OXSR1: variants seen among roughly 807,000 people sequenced by gnomAD.
OXSR1 encodes the protein oxidative stress responsive kinase 1.
Under a neutral mutation model 79.8 loss-of-function variants are expected in OXSR1, and 24 were observed. The observed-to-expected ratio is 0.30, with a 90% CI of 0.22 to 0.42. OXSR1 has a LOEUF of 0.42. OXSR1 is among the 10% of genes least tolerant of loss of function. OXSR1 has a pLI of 1.00. For synonymous variants in OXSR1, 226 were observed against 209.2 expected (o/e 1.08, Z -0.69); for missense variants, 430 against 618.4 (o/e 0.70, Z 3.23).
chr3:38,180,414 C>A (rs976647758), intron 1 of OXSR1, among the ~76,000 whole-genome samples: 1 of 151,680 alleles, frequency 6.6e-6, no homozygotes, highest in Admixed American at 6.6e-5. Flanking sequence ...TGGAATCATA[C>A]TATATACAGA....
rs570871896 is a variant in OXSR1 at position 38,206,934 on chromosome 3, G to A, written c.434+8071G>A. ...ATTTTCTCATGTATAACATAGGGATGAGATAGTATCTATCTCATAAAGTAG... is the reference window on the plus strand; with the variant it reads ...ATTTTCTCATGTATAACATAGGGATAAGATAGTATCTATCTCATAAAGTAG... On this transcript the variant is annotated intron_variant, in intron 4 of 17. Transcript: ENST00000311806. Among the ~76,000 whole-genome samples, 4 of 152,310 alleles carry A rather than the reference G, an allele frequency of 2.6e-5. 1 individual carries two copies. In the South Asian group the frequency reaches 6.2e-4, roughly 24 times the overall value.
Position 38,250,870 on chromosome 3 carries a change from A to G in OXSR1, c.1376-533A>G, listed in dbSNP as rs1221698084. Among the ~76,000 whole-genome samples the G allele has an allele frequency of 3.3e-5, 5 of 152,266 alleles. No homozygotes were observed. In the East Asian group the frequency reaches 9.6e-4, roughly 29 times the overall value. ...GCTCATTTTCAAGCCCTTGGCAACC[A>G]ATACCACTGAGTTGGTTGAAGATGA... On this transcript the variant is annotated intron_variant, in intron 15 of 17. Coordinates refer to ENST00000311806, the MANE Select transcript of OXSR1 (RefSeq NM_005109.3).
intron 12 of OXSR1, among the ~76,000 whole-genome samples, chr3:38,244,916 G>A (rs1300134610): frequency 6.6e-6 from 1 of 152,048 alleles, no homozygotes; most frequent in Non-Finnish European, 1.5e-5. Flanking sequence ...GCTCATCAAC[G>A]AGGGTTCCAA....
rs376879976 is a variant in OXSR1, at chr3:38,182,988, T to C, written c.71-15T>C. On this transcript the variant is annotated splice_polypyrimidine_tract_variant and intron_variant, in intron 1 of 17. Coordinates refer to ENST00000311806, the MANE Select transcript of OXSR1 (RefSeq NM_005109.3). Reference sequence around the variant, plus strand: ...ATCCATCTACTTATTTACTCTTTTATGTATTTGTTTTTAGGGAGTGGAGCA... The same window carrying C: ...ATCCATCTACTTATTTACTCTTTTACGTATTTGTTTTTAGGGAGTGGAGCA... The C allele has an allele frequency of 4.0e-5, 56 of 1,407,242 alleles. No homozygotes were observed. The South Asian group carries it at 6.2e-4, about 15-fold the overall frequency. 87.2% of individuals were successfully genotyped at this position (1,407,242 alleles called of 1,614,324 possible). A position where few individuals can be genotyped will look rare whatever the true frequency, so the allele number is the denominator to read the frequency against.
chr3:38,222,774 A>G (rs1000175175), intron 6 of OXSR1, among the ~76,000 whole-genome samples: 10 of 152,352 alleles, frequency 6.6e-5, no homozygotes, highest in African/African-American at 2.2e-4. Flanking sequence ...TGATAATACC[A>G]TAATACAGAT....
At chr3:38,169,182 A>G (rs1701526488) in intron 1 of OXSR1, among the ~76,000 whole-genome samples, 1 of 152,206 alleles carries the variant, frequency 6.6e-6, no homozygotes, top group Non-Finnish European at 1.5e-5. Context: ...CATTGCCCTA[A>G]TGACTAATGA....
chr3:38,165,855 A>G lies in OXSR1; in HGVS notation c.-22A>G. 3 of 1,600,770 alleles carry G rather than the reference A, an allele frequency of 1.9e-6. No individual in the cohort carries two copies. The highest frequency in any genetic ancestry group is 2.2e-5 in the South Asian group (2 of 89,394). On this transcript the variant is annotated 5_prime_UTR_variant, in exon 1 of 18. Transcript: ENST00000311806. Reference sequence around the variant, plus strand: ...GCGAGGTCAGCGAGTTTGAGGGAGGACCGCGAGCCGCTGCCGCCGTCATGT... The same window carrying G: ...GCGAGGTCAGCGAGTTTGAGGGAGGGCCGCGAGCCGCTGCCGCCGTCATGT...
chr3:38,240,259 AC>A (rs1410019438), intron 11 of OXSR1, among the ~76,000 whole-genome samples: 18 of 152,168 alleles, frequency 1.2e-4, no homozygotes, highest in African/African-American at 4.3e-4. Flanking sequence ...TATATGCAAA[AC>A]AGTTCAGAAA....
chr3:38,202,350 T>C (rs147112536), intron 4 of OXSR1, among the ~76,000 whole-genome samples: 336 of 152,312 alleles, frequency 2.2e-3, no homozygotes, highest in African/African-American at 7.5e-3. Context: ...AAGTATAATA[T>C]TAAAGCTGGA....
chr3:38,251,561 G>C, intron 16 of OXSR1, 90 bp downstream of exon 16: 4 of 929,540 alleles, frequency 4.3e-6, no homozygotes, highest in Non-Finnish European at 7.1e-6. Context: ...CCACTGAGTA[G>C]GTCTGATGGT....
At chr3:38,181,481 G>A (rs1224195441) in intron 1 of OXSR1, among the ~76,000 whole-genome samples, 3 of 150,430 alleles carry the variant, frequency 2.0e-5, no homozygotes, top group African/African-American at 4.9e-5. Flanking sequence ...TCAGCCTCCC[G>A]AGTAGCTGGG....
intron 14 of OXSR1, 22 bp from the exon 15 acceptor site, chr3:38,249,944 T>A (rs1559530313): frequency 2.9e-6 from 4 of 1,386,158 alleles, no homozygotes; most frequent in Non-Finnish European, 4.1e-6. Flanking sequence ...TCTTATTTTA[T>A]GCATTCTGCT....
intron 10 of OXSR1, 126 bp downstream of exon 10, chr3:38,230,556 G>A: frequency 1.5e-6 from 1 of 673,564 alleles, no homozygotes; most frequent in Non-Finnish European, 2.7e-6. Flanking sequence ...CCTTTCTAAA[G>A]CATTCTTTGA....
chr3:38,164,372 C>T (rs993105182), upstream of OXSR1, among the ~76,000 whole-genome samples: 4 of 152,164 alleles, frequency 2.6e-5, no homozygotes, highest in African/African-American at 9.7e-5. Flanking sequence ...TCTCGAACTC[C>T]TGACCTCAGG....
chr3:38,208,352 G>T (rs1326687854), intron 4 of OXSR1, among the ~76,000 whole-genome samples: 1 of 152,268 alleles, frequency 6.6e-6, no homozygotes, highest in East Asian at 1.9e-4. Context: ...TCCATTGCAA[G>T]TAGAAAATAT....
At chr3:38,205,829 C>A (rs1702255251) in intron 4 of OXSR1, among the ~76,000 whole-genome samples, 1 of 152,174 alleles carries the variant, frequency 6.6e-6, no homozygotes, top group Non-Finnish European at 1.5e-5. Context: ...GTGTTCTTAC[C>A]TGAAGTGCAG....
chr3:38,250,163 A>T, intron 15 of OXSR1, 145 bp downstream of exon 15: 3 of 619,408 alleles, frequency 4.8e-6, no homozygotes, highest in Non-Finnish European at 8.7e-6. Flanking sequence ...TGAGTGAGAT[A>T]AAAATGCAGT....
chr3:38,223,793 A>G lies in OXSR1; in HGVS notation c.601-19A>G, dbSNP rs1326077950. 6.4e-7 allele frequency: 1 copy of G among 1,553,710 alleles called. No individual in the cohort carries two copies. Among genetic ancestry groups the G allele is most frequent in the South Asian group, 1.1e-5 (1 of 89,072 alleles). ...TCCTTTTATGCTGGTAAAAATAATC[A>G]TGCAAATCTGTTTTGCAGGTCCGTG... On this transcript the variant is annotated intron_variant, in intron 6 of 17. Coordinates refer to ENST00000311806, the MANE Select transcript of OXSR1 (RefSeq NM_005109.3).
intron 1 of OXSR1, among the ~76,000 whole-genome samples, chr3:38,167,526 C>T (rs1406257953): frequency 1.3e-5 from 2 of 152,180 alleles, no homozygotes; most frequent in African/African-American, 2.4e-5. Context: ...GTGTTTATTT[C>T]ACTGTGGGTT....
Sources: gnomAD v4.1 joint callset for allele counts (sites outside exome capture counted in the v4.1 genomes callset) on GRCh38, gnomAD v4.1.1 for gene constraint, MANE v1.5 for transcripts, NCBI Gene and HGNC (gene_info 2026-07-23, HGNC 2026-07-21) for gene names.